The following TMEM238L variants were observed in gnomAD, a reference collection of about 807,000 sequenced individuals.
TMEM238L encodes the protein transmembrane protein 238 like.
chr17:10,797,594 T>A (rs1469146996), intron 1 of TMEM238L, among the ~76,000 whole-genome samples: 1 of 152,188 alleles, frequency 6.6e-6, no homozygotes, highest in Admixed American at 6.5e-5. Context: ...CATATCAAAC[T>A]CTGCATGTTC....
chr17:10,797,922 T>C (rs1035350926), intron 1 of TMEM238L: 1 of 152,236 alleles, frequency 6.6e-6, no homozygotes, highest in African/African-American at 2.4e-5. Flanking sequence ...TGTTGCTCTC[T>C]AGTATCTAAC....
In TMEM238L at chr17:10,796,117, A is replaced by G. The variant is rs116244795; in HGVS notation, c.*119-169T>C. On this transcript the variant is annotated intron_variant, in intron 1 of 1. Coordinates refer to ENST00000581851, the Ensembl canonical transcript of TMEM238L. ...TACCTTGGGCTAGCCCTGAAACCAC[A>G]TGAGACTCAGCTTCCTTTGCCTGGA... Among the ~76,000 whole-genome samples the G allele has an allele frequency of 5.9e-3, 896 of 152,348 alleles. 7 individuals are homozygous for G. The highest frequency in any genetic ancestry group is 0.02 in the African/African-American group (819 of 41,580).
chr17:10,801,984 T>C (rs1597579286), intron 1 of TMEM238L, among the ~76,000 whole-genome samples: 1 of 152,122 alleles, frequency 6.6e-6, no homozygotes, highest in East Asian at 1.9e-4. Flanking sequence ...GGTTTCACCA[T>C]GTTGCCAAGG....
intron 1 of TMEM238L, among the ~76,000 whole-genome samples, chr17:10,796,648 CT>C (rs1007841101): frequency 1.3e-5 from 2 of 152,204 alleles, no homozygotes; most frequent in East Asian, 1.9e-4. Context: ...AGGCTTCAGC[CT>C]TTTTTTGATG....
At chr17:10,795,745 T>C (rs991952988) in exon 2 of TMEM238L, 1 of 152,274 alleles carries the variant, frequency 6.6e-6, no homozygotes, top group African/African-American at 2.4e-5. Flanking sequence ...ACAGCAGCGA[T>C]GTCAGATCTG....
intron 1 of TMEM238L, chr17:10,802,657 G>A (rs1034904495): frequency 6.6e-6 from 1 of 152,648 alleles, no homozygotes; most frequent in Non-Finnish European, 1.5e-5. Flanking sequence ...CTTCTGGTAA[G>A]GGAGTAAGAA....
At chr17:10,800,273 G>C (rs947052529) in intron 1 of TMEM238L, among the ~76,000 whole-genome samples, 6 of 152,278 alleles carry the variant, frequency 3.9e-5, no homozygotes, top group African/African-American at 1.2e-4. Context: ...AAAATGATTC[G>C]CCCAAGGCCA....
intron 1 of TMEM238L, among the ~76,000 whole-genome samples, chr17:10,801,820 C>T (rs1357650690): frequency 1.3e-5 from 2 of 151,934 alleles, no homozygotes; most frequent in Admixed American, 1.3e-4. Context: ...CTCACTCTGC[C>T]GCCCAGGTTG....
intron 1 of TMEM238L, among the ~76,000 whole-genome samples, chr17:10,802,193 G>A (rs1904765685): frequency 6.6e-6 from 1 of 152,210 alleles, no homozygotes; most frequent in Non-Finnish European, 1.5e-5. Flanking sequence ...GATGCAAAGT[G>A]TGAGTTGACC....
At chr17:10,803,682 G>T (rs1458386238) in exon 1 of TMEM238L, 1 of 398,560 alleles carries the variant, frequency 2.5e-6, no homozygotes, top group African/African-American at 2.1e-5. Flanking sequence ...AGACATGTCT[G>T]CATACAGCAC....
chr17:10,799,750 A>G (rs1248975666), intron 1 of TMEM238L, among the ~76,000 whole-genome samples: 1 of 152,202 alleles, frequency 6.6e-6, no homozygotes, highest in East Asian at 1.9e-4. Flanking sequence ...GTTCATGTAA[A>G]GTCTTACGTG....
intron 1 of TMEM238L, among the ~76,000 whole-genome samples, chr17:10,801,193 G>A (rs904259140): frequency 1.5e-4 from 23 of 152,214 alleles, no homozygotes; most frequent in African/African-American, 5.5e-4. Flanking sequence ...TGGGATTACA[G>A]GCGCCTGCCA....
At chr17:10,796,392 T>C (rs1904544171) in intron 1 of TMEM238L, among the ~76,000 whole-genome samples, 1 of 152,222 alleles carries the variant, frequency 6.6e-6, no homozygotes, top group Non-Finnish European at 1.5e-5. Context: ...TCTGCTGACT[T>C]TCTCTCCTCC....
At chr17:10,797,381 T>TTCCCTCCCTCCC (rs1332732073) in intron 1 of TMEM238L, among the ~76,000 whole-genome samples, 2 of 85,834 alleles carry the variant, frequency 2.3e-5, no homozygotes, top group Non-Finnish European at 4.2e-5. Flanking sequence ...CCCTCCCTCC[T>TTCCCTCCCTCCC]TCCCTCCCTC....
chr17:10,796,899 G>T (rs1904565609), intron 1 of TMEM238L, among the ~76,000 whole-genome samples: 1 of 152,176 alleles, frequency 6.6e-6, no homozygotes, highest in South Asian at 2.1e-4. Flanking sequence ...TAAAGGGCCA[G>T]GTAGTAAATG....
At chr17:10,797,167 A>T (rs910934866) in intron 1 of TMEM238L, among the ~76,000 whole-genome samples, 3 of 152,180 alleles carry the variant, frequency 2.0e-5, no homozygotes, top group African/African-American at 7.2e-5. Flanking sequence ...TAGTTCCATT[A>T]TGCTGGGCAA....
intron 1 of TMEM238L, among the ~76,000 whole-genome samples, chr17:10,800,324 G>A (rs931798673): frequency 2.0e-5 from 3 of 152,154 alleles, no homozygotes; most frequent in South Asian, 2.1e-4. Flanking sequence ...AGTGAGCAAC[G>A]TCCTGAACAG....
At chr17:10,800,136 G>A (rs1020565569) in intron 1 of TMEM238L, among the ~76,000 whole-genome samples, 3 of 152,092 alleles carry the variant, frequency 2.0e-5, no homozygotes, top group Admixed American at 1.3e-4. Context: ...GTTTCACCGT[G>A]TTAGCCAGGA....
intron 1 of TMEM238L, among the ~76,000 whole-genome samples, chr17:10,799,416 TC>T (rs1326355780): frequency 6.6e-6 from 1 of 152,192 alleles, no homozygotes; most frequent in Non-Finnish European, 1.5e-5. Context: ...CAGGCTGGTC[TC>T]CAACTTCTGG....
Sources: allele counts gnomAD v4.1 joint callset (sites outside exome capture counted in the v4.1 genomes callset), GRCh38; gene constraint gnomAD v4.1.1; transcripts MANE v1.5; gene names NCBI Gene and HGNC (gene_info 2026-07-23, HGNC 2026-07-21).